LHFPL4: variants seen among roughly 807,000 people sequenced by gnomAD.
LHFPL4 encodes LHFPL tetraspan subfamily member 4 protein.
Under a neutral mutation model 20.0 loss-of-function variants are expected in LHFPL4, and 6 were observed. The ratio of observed to expected loss-of-function variants is 0.30; its 90% confidence interval spans 0.16 to 0.59. The LOEUF (loss-of-function observed/expected upper bound fraction) is 0.59, where lower values mean the gene tolerates loss of function less well. Among genes scored for constraint, LHFPL4 ranks in the 20% least tolerant of loss-of-function variants. The pLI, the probability that LHFPL4 is intolerant of heterozygous loss-of-function variation, is 0.88. For missense variants in LHFPL4, 215 were observed against 331.2 expected (o/e 0.65, Z 2.72); for synonymous variants, 129 against 143.8 (o/e 0.90, Z 0.74).
At chr3:9,504,247 C>T (rs1419244848) in intron 3 of LHFPL4, among the ~76,000 whole-genome samples, 1 of 151,760 alleles carries the variant, frequency 6.6e-6, no homozygotes, top group Non-Finnish European at 1.5e-5. Flanking sequence ...GGCAACATGC[C>T]TGTAATCCCA....
intron 2 of LHFPL4, among the ~76,000 whole-genome samples, chr3:9,510,835 G>C (rs1282051754): frequency 6.6e-6 from 1 of 151,860 alleles, no homozygotes; most frequent in East Asian, 1.9e-4. Context: ...CTACTCAGGA[G>C]GCTGAGGCAG....
intron 2 of LHFPL4, among the ~76,000 whole-genome samples, chr3:9,519,488 G>A (rs1031232109): frequency 3.9e-5 from 6 of 152,202 alleles, no homozygotes; most frequent in Admixed American, 3.3e-4. Flanking sequence ...TGGTTTTGTC[G>A]ATTTTCTTTA....
chr3:9,540,979 A>G (rs1193091715), intron 2 of LHFPL4, among the ~76,000 whole-genome samples: 2 of 151,916 alleles, frequency 1.3e-5, no homozygotes, highest in Non-Finnish European at 2.9e-5. Context: ...TCACTCTGTC[A>G]CCCAGGCTGG....
chr3:9,511,604 A>G (rs548722797), intron 2 of LHFPL4, among the ~76,000 whole-genome samples: 26 of 152,374 alleles, frequency 1.7e-4, no homozygotes, highest in African/African-American at 6.0e-4. Flanking sequence ...ATCATTTGCC[A>G]TAAATAGAAA....
At chr3:9,513,397 T>C (rs1023448811) in intron 2 of LHFPL4, among the ~76,000 whole-genome samples, 6 of 152,160 alleles carry the variant, frequency 3.9e-5, no homozygotes, top group African/African-American at 1.4e-4. Flanking sequence ...AGTGGTGGGA[T>C]CATGGCTCAC....
rs1271620854 is a variant in LHFPL4 at position 9,505,614 on chromosome 3, C to T, written c.643+353G>A. Among the ~76,000 whole-genome samples, 5 of 152,118 alleles carry T rather than the reference C, an allele frequency of 3.3e-5. No homozygotes were observed. The South Asian group carries it at 8.3e-4, about 25-fold the overall frequency. On this transcript the variant is annotated intron_variant, in intron 3 of 3. Coordinates refer to ENST00000287585, the MANE Select transcript of LHFPL4 (RefSeq NM_198560.3). ...AATTTTTTTGTATTTTTAGTAGAGA[C>T]AGGGTTTCACCGTGTTAGCCAGGAT... is the stretch of plus-strand genomic sequence containing the variant.
chr3:9,518,921 T>G (rs201147735), intron 2 of LHFPL4, among the ~76,000 whole-genome samples: 3 of 109,024 alleles, frequency 2.8e-5, no homozygotes, highest in Non-Finnish European at 4.5e-5. Flanking sequence ...ATTGGCTAAT[T>G]TTTGTTTATT....
chr3:9,538,995 T>G (rs2936482), intron 2 of LHFPL4, among the ~76,000 whole-genome samples: 1 of 152,020 alleles, frequency 6.6e-6, no homozygotes, highest in Non-Finnish European at 1.5e-5. Flanking sequence ...CCACCACACC[T>G]GGCCCAAATT....
At chr3:9,519,099 G>A (rs550082272) in intron 2 of LHFPL4, among the ~76,000 whole-genome samples, 11 of 151,980 alleles carry the variant, frequency 7.2e-5, no homozygotes, top group South Asian at 4.2e-4. Flanking sequence ...CACCATGCCC[G>A]TCTAATTCTT....
rs6799938 is a variant in LHFPL4 at position 9,515,829 on chromosome 3, C to G, written c.407-9626G>C. ...CTCCTGGGTTCAAGCAATTCTCTGC[C>G]TCAGCCTCCCATGTAGCTGGGACTA... On this transcript the variant is annotated intron_variant, in intron 2 of 3. Transcript: ENST00000287585. 7.3e-3 allele frequency among the ~76,000 whole-genome samples: 1,115 copies of G among 151,980 alleles called. 14 individuals are homozygous for G. The highest frequency in any genetic ancestry group is 0.023 in the African/African-American group (937 of 41,448).
chr3:9,523,621 T>C (rs1240126357), intron 2 of LHFPL4, among the ~76,000 whole-genome samples: 1 of 151,802 alleles, frequency 6.6e-6, no homozygotes, highest in Admixed American at 6.6e-5. Flanking sequence ...TACAGGCGTG[T>C]GCCACCATGC....
intron 2 of LHFPL4, among the ~76,000 whole-genome samples, chr3:9,542,823 A>G (rs1291581687): frequency 6.6e-6 from 1 of 151,896 alleles, no homozygotes; most frequent in East Asian, 1.9e-4. Flanking sequence ...AAAAAAAAAA[A>G]AAAGTCACAT....
chr3:9,522,062 A>G (rs576034040), intron 2 of LHFPL4, among the ~76,000 whole-genome samples: 9 of 152,296 alleles, frequency 5.9e-5, no homozygotes, highest in African/African-American at 2.2e-4. Flanking sequence ...ATTTTTAAGT[A>G]GTTGCCCTAA....
intron 2 of LHFPL4, among the ~76,000 whole-genome samples, chr3:9,539,485 C>T (rs1265282921): frequency 6.7e-6 from 1 of 149,110 alleles, no homozygotes; most frequent in African/African-American, 2.5e-5. Context: ...AATAGTTCAA[C>T]CCTTGTCCTC....
chr3:9,522,611 C>T (rs191891220), intron 2 of LHFPL4, among the ~76,000 whole-genome samples: 56 of 151,788 alleles, frequency 3.7e-4, no homozygotes, highest in African/African-American at 9.4e-4. Flanking sequence ...CATGGTGGCG[C>T]GCGCCTGTAA....
intron 2 of LHFPL4, among the ~76,000 whole-genome samples, chr3:9,519,207 G>A (rs751106050): frequency 2.0e-5 from 3 of 152,108 alleles, no homozygotes; most frequent in Non-Finnish European, 4.4e-5. Flanking sequence ...CCAAAGTGCT[G>A]GGATTACAGG....
rs141222312 is a variant in LHFPL4 at position 9,505,096 on chromosome 3, T to C, written c.643+871A>G. Among the ~76,000 whole-genome samples, 455 of 152,314 alleles carry C rather than the reference T, an allele frequency of 3.0e-3. 1 individual carries two copies. Among genetic ancestry groups the C allele is most frequent in the African/African-American group, 0.01 (417 of 41,582 alleles). On this transcript the variant is annotated intron_variant, in intron 3 of 3. Transcript: ENST00000287585. Reference sequence around the variant, plus strand: ...CTGTCCATGGCCATTGGGCTGTTTATAGCTGTTTGCTACAGTGAAGCTGCA... The same window carrying C: ...CTGTCCATGGCCATTGGGCTGTTTACAGCTGTTTGCTACAGTGAAGCTGCA...
intron 2 of LHFPL4, among the ~76,000 whole-genome samples, chr3:9,543,185 G>A (rs139289630): frequency 1.5e-3 from 235 of 151,998 alleles, no homozygotes; most frequent in Middle Eastern, 6.8e-3. Context: ...GTCTCCTGCC[G>A]GCACCCACAT....
In LHFPL4 at chr3:9,524,995, G is replaced by A. The variant is rs558023292; in HGVS notation, c.407-18792C>T. ...TCACAAATGCTTCTAAGTTGTTGCT[G>A]TTTTTTTCTTGCCCTCCTTAGGTGG... On this transcript the variant is annotated intron_variant, in intron 2 of 3. Coordinates refer to ENST00000287585, the MANE Select transcript of LHFPL4 (RefSeq NM_198560.3). Among the ~76,000 whole-genome samples the A allele has an allele frequency of 5.0e-4, 76 of 152,186 alleles. 1 individual carries two copies. Among genetic ancestry groups the A allele is most frequent in the African/African-American group, 1.8e-3 (73 of 41,538 alleles).
Sources: allele counts gnomAD v4.1 joint callset (sites outside exome capture counted in the v4.1 genomes callset), GRCh38; gene constraint gnomAD v4.1.1; transcripts MANE v1.5; gene names NCBI Gene and HGNC (gene_info 2026-07-23, HGNC 2026-07-21).